FAF1: variants seen among roughly 807,000 people sequenced by gnomAD.
FAF1 encodes Fas associated factor 1, also known as FAS-associated factor 1.
A neutral mutation model predicts 92.5 loss-of-function variants in FAF1; 25 were observed. The observed-to-expected ratio is 0.27, with a 90% confidence interval of 0.20 to 0.38. The LOEUF (loss-of-function observed/expected upper bound fraction) is 0.38, where lower values mean the gene tolerates loss of function less well. FAF1 is among the 10% of genes least tolerant of loss of function. FAF1 has a pLI of 1.00. For synonymous variants in FAF1, 234 were observed against 273.2 expected, an observed-to-expected ratio of 0.86 and a Z score of 1.42; for missense variants, 636 against 793.3, an observed-to-expected ratio of 0.80 and a Z score of 2.38.
chr1:50,690,206 G>A (rs762225454), intron 7 of FAF1, among the ~76,000 whole-genome samples: 7 of 151,806 alleles, frequency 4.6e-5, no homozygotes, highest in Non-Finnish European at 1.0e-4. Flanking sequence ...GGCAGGTCTC[G>A]AACTCCTGAC....
At chr1:50,634,019 T>C (rs1478656476) in intron 8 of FAF1, among the ~76,000 whole-genome samples, 5 of 152,168 alleles carry the variant, frequency 3.3e-5, no homozygotes, top group Non-Finnish European at 5.9e-5. Flanking sequence ...CAATCTCCTG[T>C]GGATATTTAT....
chr1:50,753,978 G>C (rs892855837), intron 4 of FAF1, among the ~76,000 whole-genome samples: 2 of 151,816 alleles, frequency 1.3e-5, no homozygotes, highest in African/African-American at 4.8e-5. Flanking sequence ...GGCTGGTCTC[G>C]ATCTCCTGAT....
At chr1:50,819,692 C>CAT (rs1392872540) in intron 2 of FAF1, among the ~76,000 whole-genome samples, 1 of 45,616 alleles carries the variant, frequency 2.2e-5, no homozygotes, top group African/African-American at 7.0e-5. Context: ...TATATATATA[C>CAT]ATATATATAT....
At chr1:50,674,549 G>A (rs1386084006) in intron 7 of FAF1, among the ~76,000 whole-genome samples, 1 of 152,188 alleles carries the variant, frequency 6.6e-6, no homozygotes, top group Admixed American at 6.5e-5. Context: ...TTCAAACACA[G>A]GTGGGTGTTG....
chr1:50,474,118 G>A (rs1646608392), intron 18 of FAF1, among the ~76,000 whole-genome samples: 1 of 152,150 alleles, frequency 6.6e-6, no homozygotes, highest in South Asian at 2.1e-4. Flanking sequence ...CTTAGAAAAT[G>A]CTTTGTTACA....
intron 6 of FAF1, among the ~76,000 whole-genome samples, chr1:50,721,106 A>C (rs749908499): frequency 1.3e-5 from 2 of 152,018 alleles, no homozygotes; most frequent in African/African-American, 2.4e-5. Flanking sequence ...GAAAACATTT[A>C]TTGCTTCCCT....
chr1:50,779,955 A>G (rs1365529352), intron 4 of FAF1, among the ~76,000 whole-genome samples: 2 of 148,688 alleles, frequency 1.3e-5, no homozygotes, highest in Admixed American at 1.3e-4. Flanking sequence ...AAGGAATCAA[A>G]GCATATCACT....
At chr1:50,479,116 G>C (rs1393213978) in intron 17 of FAF1, among the ~76,000 whole-genome samples, 1 of 152,158 alleles carries the variant, frequency 6.6e-6, no homozygotes, top group Non-Finnish European at 1.5e-5. Flanking sequence ...ACAGACATGC[G>C]TTCAAATCCT....
intron 18 of FAF1, among the ~76,000 whole-genome samples, chr1:50,456,011 A>G (rs1646348330): frequency 6.6e-6 from 1 of 151,964 alleles, no homozygotes; most frequent in Non-Finnish European, 1.5e-5. Flanking sequence ...GGAGGCGGAG[A>G]TGGCAGTGAG....
chr1:50,787,940 T>A (rs1661421693), intron 4 of FAF1, 60 bp downstream of exon 4: 1 of 1,448,518 alleles, frequency 6.9e-7, no homozygotes, highest in East Asian at 2.3e-5. Context: ...AAAAAAAATA[T>A]AACCTGAATG....
At chr1:50,726,205 G>A (rs757154446) in intron 6 of FAF1, among the ~76,000 whole-genome samples, 2 of 151,966 alleles carry the variant, frequency 1.3e-5, no homozygotes, top group Non-Finnish European at 2.9e-5. Context: ...GCAGAGAGCC[G>A]AGATTGTGCC....
intron 7 of FAF1, among the ~76,000 whole-genome samples, chr1:50,703,630 A>C (rs1427516541): frequency 6.6e-6 from 1 of 152,204 alleles, no homozygotes; most frequent in Non-Finnish European, 1.5e-5. Flanking sequence ...CAAATTCTTG[A>C]CAAGAAATAC....
At chr1:50,950,974 A>C (rs1645209637) in intron 1 of FAF1, among the ~76,000 whole-genome samples, 1 of 152,240 alleles carries the variant, frequency 6.6e-6, no homozygotes, top group Non-Finnish European at 1.5e-5. Context: ...CTCATGCCTG[A>C]AATCCCAGCA....
At chr1:50,568,100 A>G (rs1343042289) in intron 12 of FAF1, among the ~76,000 whole-genome samples, 3 of 152,160 alleles carry the variant, frequency 2.0e-5, no homozygotes, top group Non-Finnish European at 4.4e-5. Flanking sequence ...AGCTTTACCA[A>G]CAATGACTAT....
chr1:50,564,457 A>G (rs1224129480), intron 13 of FAF1, among the ~76,000 whole-genome samples: 1 of 152,158 alleles, frequency 6.6e-6, no homozygotes, highest in African/African-American at 2.4e-5. Context: ...GTATTTCCAT[A>G]TATTAATATG....
At chr1:50,851,869 A>T (rs1644354248) in intron 2 of FAF1, among the ~76,000 whole-genome samples, 1 of 152,172 alleles carries the variant, frequency 6.6e-6, no homozygotes, top group Non-Finnish European at 1.5e-5. Flanking sequence ...TAGTGAACTG[A>T]AAATTTCATG....
intron 8 of FAF1, among the ~76,000 whole-genome samples, chr1:50,606,489 CTTTTTTTTTTTT>C (rs34498946): frequency 2.0e-4 from 12 of 58,556 alleles, no homozygotes; most frequent in African/African-American, 7.4e-4. Context: ...GTGAGAGTTG[CTTTTTTTTTTTT>C]TTTTTTTTTT....
intron 2 of FAF1, among the ~76,000 whole-genome samples, chr1:50,821,816 C>CA (rs1286233723): frequency 1.3e-5 from 2 of 151,894 alleles, no homozygotes; most frequent in Non-Finnish European, 2.9e-5. Flanking sequence ...TTTAAAATCA[C>CA]AAATGGTTTT....
chr1:50,842,748 A>T (rs1291518884), intron 2 of FAF1, among the ~76,000 whole-genome samples: 1 of 151,890 alleles, frequency 6.6e-6, no homozygotes, highest in Non-Finnish European at 1.5e-5. Context: ...ACCCTACCTG[A>T]CTCTACAATA....
Sources: allele counts gnomAD v4.1 joint callset (sites outside exome capture counted in the v4.1 genomes callset), GRCh38; gene constraint gnomAD v4.1.1; transcripts MANE v1.5; gene names NCBI Gene and HGNC (gene_info 2026-07-23, HGNC 2026-07-21).